Variants in CDK8 observed in about 807,000 individuals in gnomAD.
CDK8 encodes cyclin-dependent kinase 8.
CDK8 carries 29 observed loss-of-function variants against 71.5 expected under a neutral mutation model. The observed-to-expected ratio is 0.41, with a 90% confidence interval of 0.30 to 0.55. The LOEUF (loss-of-function observed/expected upper bound fraction) is 0.55, where lower values mean the gene tolerates loss of function less well. Among genes scored for constraint, CDK8 ranks in the 20% least tolerant of loss-of-function variants. The pLI is 0.37. For missense variants in CDK8, 288 were observed against 572.6 expected, an observed-to-expected ratio of 0.50 and a Z score of 5.07; for synonymous variants, 161 against 192.1, an observed-to-expected ratio of 0.84 and a Z score of 1.34.
chr13:26,279,091 G>A (rs776810525), intron 1 of CDK8, among the ~76,000 whole-genome samples: 2 of 150,294 alleles, frequency 1.3e-5, no homozygotes, highest in Non-Finnish European at 3.0e-5. Flanking sequence ...AGAGGGCTGT[G>A]TATTATAATT....
At chr13:26,357,769 G>T (rs1873956842) in intron 4 of CDK8, among the ~76,000 whole-genome samples, 2 of 152,220 alleles carry the variant, frequency 1.3e-5, no homozygotes, top group South Asian at 4.1e-4. Context: ...TTTAGCTCTA[G>T]TCCAAAGACA....
chr13:26,325,610 G>T (rs557953954), intron 1 of CDK8, among the ~76,000 whole-genome samples: 56 of 152,260 alleles, frequency 3.7e-4, no homozygotes, highest in Admixed American at 9.8e-4. Flanking sequence ...GGAAAGACTA[G>T]GGGAAGTAGA....
intron 4 of CDK8, among the ~76,000 whole-genome samples, chr13:26,360,966 T>C (rs1874111922): frequency 6.6e-6 from 1 of 152,218 alleles, no homozygotes; most frequent in South Asian, 2.1e-4. Flanking sequence ...TCAAAGACCA[T>C]TCAACTAATG....
chr13:26,352,752 A>G (rs1873735711), intron 3 of CDK8, among the ~76,000 whole-genome samples: 1 of 152,150 alleles, frequency 6.6e-6, no homozygotes, highest in African/African-American at 2.4e-5. Flanking sequence ...TTTGCTATAT[A>G]TTTTTACCTT....
intron 2 of CDK8, among the ~76,000 whole-genome samples, chr13:26,339,695 TTTTATTTATTTA>T (rs370690774): frequency 2.4e-3 from 327 of 136,418 alleles, no homozygotes; most frequent in East Asian, 0.012. Context: ...ATACTTTCCA[TTTTATTTATTTA>T]TTTATTTATT....
At chr13:26,293,481 T>A (rs1428182844) in intron 1 of CDK8, among the ~76,000 whole-genome samples, 1 of 151,694 alleles carries the variant, frequency 6.6e-6, no homozygotes, top group Non-Finnish European at 1.5e-5. Flanking sequence ...GGTGTGCACC[T>A]GTAGTCTCAG....
chr13:26,363,008 T>A (rs923599115), intron 4 of CDK8, among the ~76,000 whole-genome samples: 27 of 134,840 alleles, frequency 2.0e-4, no homozygotes, highest in South Asian at 7.2e-4. Flanking sequence ...TTTTTTTTTT[T>A]AATTTTCAAG....
chr13:26,269,650 C>G (rs1009654768), intron 1 of CDK8, among the ~76,000 whole-genome samples: 2 of 152,000 alleles, frequency 1.3e-5, no homozygotes, highest in Non-Finnish European at 2.9e-5. Context: ...GAGTACATGT[C>G]ACTTTAAAAC....
At chr13:26,323,172 T>C (rs1292863690) in intron 1 of CDK8, among the ~76,000 whole-genome samples, 1 of 152,144 alleles carries the variant, frequency 6.6e-6, no homozygotes, top group Non-Finnish European at 1.5e-5. Flanking sequence ...AGTGGGTGGC[T>C]TAAACAGCAC....
In CDK8 at chr13:26,254,437, G is replaced by A. The variant is rs370484905; in HGVS notation, c.-205G>A. 2.6e-5 allele frequency: 11 copies of A among 429,704 alleles called. No homozygotes were observed. The highest frequency in any genetic ancestry group is 1.3e-4 in the African/African-American group (6 of 47,528). 26.6% of individuals were successfully genotyped at this position (429,704 alleles called of 1,614,324 possible). ...CCTCCCCGTTCCTCCACCCCCGGCC[G>A]GCCTCTGCCCCGCCGTCCCCCTGGA... On this transcript the variant is annotated 5_prime_UTR_variant, in exon 1 of 13. Transcript: ENST00000381527. The surrounding 1 kb of genome is among the most constrained non-coding windows in gnomAD (Gnocchi z 6.7).
rs1874433955 is a variant in CDK8 at position 26,314,780 on chromosome 13, C to T, written c.129-22787C>T. On this transcript the variant is annotated intron_variant, in intron 1 of 12. Transcript: ENST00000381527. Reference sequence around the variant, plus strand: ...GGATAACTGTCTTCTGGCAATTGATCTTTTCTCCATATGTTTATACAGGAC... The same window carrying T: ...GGATAACTGTCTTCTGGCAATTGATTTTTTCTCCATATGTTTATACAGGAC... Among the ~76,000 whole-genome samples, 3 of 152,160 alleles carry T rather than the reference C, an allele frequency of 2.0e-5. No individual in the cohort carries two copies. In the South Asian group the frequency reaches 6.2e-4, roughly 32 times the overall value.
At chr13:26,354,256 A>G (rs1017352971) in intron 4 of CDK8, among the ~76,000 whole-genome samples, 2 of 152,190 alleles carry the variant, frequency 1.3e-5, no homozygotes, top group Non-Finnish European at 2.9e-5. Flanking sequence ...ACTAATTTAC[A>G]TATTAGAAAA....
At chr13:26,357,658 T>A (rs1873950131) in intron 4 of CDK8, among the ~76,000 whole-genome samples, 1 of 152,176 alleles carries the variant, frequency 6.6e-6, no homozygotes, top group South Asian at 2.1e-4. Flanking sequence ...TATACATAGA[T>A]GGAGAGTGAT....
chr13:26,306,884 C>T (rs556523634), intron 1 of CDK8, among the ~76,000 whole-genome samples: 2 of 152,230 alleles, frequency 1.3e-5, no homozygotes, highest in East Asian at 3.9e-4. Flanking sequence ...CTGCCTCGGC[C>T]TCCCAAAGTG....
chr13:26,395,335 A>G (rs1448381423), intron 7 of CDK8, among the ~76,000 whole-genome samples: 1 of 151,616 alleles, frequency 6.6e-6, no homozygotes, highest in Non-Finnish European at 1.5e-5. Flanking sequence ...CCTGTAATGT[A>G]TTACAGGCAT....
chr13:26,327,825 T>C (rs1371673452), intron 1 of CDK8, among the ~76,000 whole-genome samples: 3 of 152,032 alleles, frequency 2.0e-5, no homozygotes, highest in Non-Finnish European at 4.4e-5. Context: ...CCAGACTTTG[T>C]CTCAAACAAA....
chr13:26,269,841 G>A (rs1217083539), intron 1 of CDK8, among the ~76,000 whole-genome samples: 1 of 151,996 alleles, frequency 6.6e-6, no homozygotes, highest in Non-Finnish European at 1.5e-5. Flanking sequence ...ATAGAAGATA[G>A]CATTTGCTAC....
chr13:26,285,631 G>T (rs1872974275), intron 1 of CDK8, among the ~76,000 whole-genome samples: 1 of 152,140 alleles, frequency 6.6e-6, no homozygotes, highest in Non-Finnish European at 1.5e-5. Flanking sequence ...TGTACTAGAA[G>T]TCCCAGCCAG....
At chr13:26,294,763 G>GT (rs961886992) in intron 1 of CDK8, among the ~76,000 whole-genome samples, 5 of 151,746 alleles carry the variant, frequency 3.3e-5, no homozygotes, top group African/African-American at 1.2e-4. Flanking sequence ...GTTTTGTTTT[G>GT]TTTTTTGAGA....
Sources: gnomAD v4.1 joint callset for allele counts (sites outside exome capture counted in the v4.1 genomes callset) on GRCh38, gnomAD v4.1.1 for gene constraint, Gnocchi (gnomAD v3.1) non-coding constraint, MANE v1.5 for transcripts, NCBI Gene and HGNC (gene_info 2026-07-23, HGNC 2026-07-21) for gene names.